Variants in NUP210 observed in about 807,000 individuals in gnomAD.
NUP210 encodes nucleoporin 210.
A neutral mutation model predicts 196.0 loss-of-function variants in NUP210; 151 were observed. The observed-to-expected ratio is 0.77, with a 90% CI of 0.67 to 0.88. The LOEUF (loss-of-function observed/expected upper bound fraction) is 0.88. NUP210 is among the 40% of genes least tolerant of loss of function. The pLI, the probability that NUP210 is intolerant of heterozygous loss-of-function variation, is 0.00. For missense variants in NUP210, 2,314 were observed against 2,493.7 expected (o/e 0.93, Z 1.53); for synonymous variants, 1,070 against 1,052.7 (o/e 1.02, Z -0.32).
chr3:13,398,291 A>G (rs759479928), intron 2 of NUP210, among the ~76,000 whole-genome samples: 38 of 152,188 alleles, frequency 2.5e-4, no homozygotes, highest in Non-Finnish European at 5.1e-4. Context: ...AATACAAGAA[A>G]AATTAGTCAG....
At position 13,339,965 on chromosome 3, in the gene NUP210, C is replaced by T. The variant is rs113775377; in HGVS notation, c.3360G>A (p.Ala1120=). Residue 1120 remains alanine, a synonymous_variant, in exon 25 of 40, where the codon GCG becomes GCA. Transcript: ENST00000254508. The part of the protein sequence containing the change: ...ILFSISNESV[A]LVSAAGLVQG... ...GTACCAGCCCAGCAGCGCTCACCAG[C>T]GCAACGCTCTCATTGCTGATGGAGA... 843 of 1,614,040 alleles carry T rather than the reference C, an allele frequency of 5.2e-4. 3 individuals are homozygous for T. The African/African-American group carries it at 7.8e-3, about 15-fold the overall frequency.
intron 1 of NUP210, among the ~76,000 whole-genome samples, chr3:13,415,800 C>T (rs964738316): frequency 5.9e-5 from 9 of 152,144 alleles, no homozygotes; most frequent in African/African-American, 2.2e-4. Context: ...GTCCCTGAGC[C>T]CAGCAGAAGC....
At position 13,360,331 on chromosome 3, in the gene NUP210, T is replaced by C; in HGVS notation, c.2093A>G (p.His698Arg). 1 of 1,614,088 alleles carries C rather than the reference T, an allele frequency of 6.2e-7. No individual in the cohort carries two copies. Among genetic ancestry groups the C allele is most frequent in the Non-Finnish European group, 8.5e-7 (1 of 1,180,018 alleles). Residue 698 changes from histidine to arginine, a missense_variant, in exon 15 of 40, where the codon CAT becomes CGT. Physicochemically the swap from His to Arg is conservative, Grantham distance 29 (BLOSUM62 0). Transcript: ENST00000254508. ...GTGTTGCTGATAATTCCGGGAGGAA[T>C]GGGGGGCAAAGAGAGCCAGGCCGAT... ...DSIGLALFAP[H>R]SSRNYQQHWI...
intron 27 of NUP210, among the ~76,000 whole-genome samples, chr3:13,336,140 T>C (rs1697206334): frequency 6.6e-6 from 1 of 152,178 alleles, no homozygotes; most frequent in South Asian, 2.1e-4. Context: ...CTTTAGGAAA[T>C]CCTATCCCTG....
rs1697457020 is a variant in NUP210 at position 13,340,910 on chromosome 3, G to A, written c.3229-612C>T. Among the ~76,000 whole-genome samples the A allele has an allele frequency of 6.6e-6, 1 of 152,192 alleles. No homozygotes were observed. The highest frequency in any genetic ancestry group is 2.1e-4 in the South Asian group (1 of 4,830). On this transcript the variant is annotated intron_variant, in intron 23 of 39. Coordinates refer to ENST00000254508, the MANE Select transcript of NUP210 (RefSeq NM_024923.4). The surrounding 1 kb of genome is among the most constrained non-coding windows in gnomAD (Gnocchi z 4.0). The stretch of plus-strand genomic sequence containing the variant: ...TGGCAAGAGTAGGTGAGTGGACGCA[G>A]GAGGTGGCCAGGGTGCTACTTGTGT...
At chr3:13,366,802 C>A (rs1356015908) in intron 13 of NUP210, among the ~76,000 whole-genome samples, 1 of 151,400 alleles carries the variant, frequency 6.6e-6, no homozygotes, top group Non-Finnish European at 1.5e-5. Context: ...CAGGCATGAG[C>A]CACCGCACCC....
intron 13 of NUP210, among the ~76,000 whole-genome samples, chr3:13,368,867 TTGTGAA>T (rs1160769397): frequency 6.6e-6 from 1 of 152,254 alleles, no homozygotes; most frequent in Non-Finnish European, 1.5e-5. Context: ...CTTTTGGCTA[TTGTGAA>T]TAACACTGCC....
intron 12 of NUP210, among the ~76,000 whole-genome samples, chr3:13,373,041 T>C (rs1338599875): frequency 6.6e-6 from 1 of 152,134 alleles, no homozygotes; most frequent in Non-Finnish European, 1.5e-5. Context: ...AGCGGAAGAC[T>C]GGCCAGCCTA....
intron 32 of NUP210, 147 bp downstream of exon 32, chr3:13,327,070 A>G (rs1696787694): frequency 4.7e-6 from 3 of 636,018 alleles, no homozygotes; most frequent in Non-Finnish European, 8.1e-6. Context: ...GTCTCCGGGC[A>G]GCAGTTTTGG....
chr3:13,327,277 A>G lies in NUP210; in HGVS notation c.4447T>C (p.Ser1483Pro), dbSNP rs1317027591. ...PVLQAISPELSGAMVVGDVLC... is the reference protein window; with the variant it reads ...PVLQAISPELPGAMVVGDVLC... ...ACGTCCCCCACCACCATGGCCCCAG[A>G]CAGCTCTGGGGAGATGGCCTGTAGG... The change falls in exon 32 of 40, where the codon TCT (serine) becomes CCT (proline). Residue 1483 changes from serine to proline, a missense_variant. Physicochemically the swap from Ser to Pro is moderately conservative, Grantham distance 74. Transcript: ENST00000254508. The G allele has an allele frequency of 1.9e-6, 3 of 1,613,468 alleles. No individual in the cohort carries two copies. Among genetic ancestry groups the G allele is most frequent in the South Asian group, 1.1e-5 (1 of 91,082 alleles).
At position 13,379,629 on chromosome 3, in the gene NUP210, C is replaced by G; in HGVS notation, c.910G>C (p.Ala304Pro). The change falls in exon 7 of 40, where the codon GCC becomes CCC. Residue 304 changes from alanine to proline, a missense_variant. Ala to Pro is a conservative substitution (Grantham distance 27). Coordinates refer to ENST00000254508, the MANE Select transcript of NUP210 (RefSeq NM_024923.4). This position sits in a 1 kb window ranked among gnomAD's most constrained non-coding sequence, Gnocchi z 4.2. ...GDPARPVAVLAQDTSMVTALQ... is the reference protein window; with the variant it reads ...GDPARPVAVLPQDTSMVTALQ... Reference sequence around the variant, plus strand: ...GCAGTGACCATCGACGTGTCCTGGGCCAAGACAGCCACCGGCCGGGCTGGG... The same window carrying G: ...GCAGTGACCATCGACGTGTCCTGGGGCAAGACAGCCACCGGCCGGGCTGGG... The G allele has an allele frequency of 6.2e-7, 1 of 1,614,068 alleles. No homozygotes were observed. Among genetic ancestry groups the G allele is most frequent in the Non-Finnish European group, 8.5e-7 (1 of 1,180,022 alleles).
chr3:13,374,288 A>G (rs1316281693), intron 11 of NUP210, among the ~76,000 whole-genome samples: 2 of 152,198 alleles, frequency 1.3e-5, no homozygotes, highest in Non-Finnish European at 2.9e-5. Context: ...GTACACTCAC[A>G]TACATTCACC....
Position 13,351,969 on chromosome 3 carries a change from G to T in NUP210, c.2745C>A (p.Arg915=). The stretch of plus-strand genomic sequence containing the variant: ...AGAAGTAACCTGAGCCTTCCCTGAT[G>T]CGGAGCTCTGCCTGCAGGAGGCAGA... The part of the protein sequence containing the change: ...YNHPGIQAEL[R]IREGSGYFFL... The change falls in exon 20 of 40, where the codon CGC becomes CGA. Residue 915 remains arginine, a synonymous_variant. Transcript: ENST00000254508. 2 of 1,611,194 alleles carry T rather than the reference G, an allele frequency of 1.2e-6. No individual in the cohort carries two copies. The highest frequency in any genetic ancestry group is 1.7e-6 in the Non-Finnish European group (2 of 1,177,830).
chr3:13,376,398 A>T lies in NUP210; in HGVS notation c.1186T>A (p.Phe396Ile), dbSNP rs779842622. Residue 396 changes from phenylalanine to isoleucine, a missense_variant, in exon 10 of 40, where the codon TTC becomes ATC. Physicochemically the swap from Phe to Ile is conservative, Grantham distance 21. Transcript: ENST00000254508. ...IRIETVLPAEFFEVLSSSQNG... is the reference protein window; with the variant it reads ...IRIETVLPAEIFEVLSSSQNG... The stretch of plus-strand genomic sequence containing the variant: ...TGGGAGGACGAGAGCACCTCGAAGA[A>T]CTCAGCAGGAAGCACAGTTTCAATT... 2 of 1,614,124 alleles carry T rather than the reference A, an allele frequency of 1.2e-6. No individual in the cohort carries two copies. Among genetic ancestry groups the T allele is most frequent in the South Asian group, 2.2e-5 (2 of 91,090 alleles).
At chr3:13,399,652 G>A in intron 2 of NUP210, 73 bp downstream of exon 2, 1 of 1,603,944 alleles carries the variant, frequency 6.2e-7, no homozygotes, top group Non-Finnish European at 8.5e-7. Context: ...TAGCCTCTAG[G>A]ACCCTGGGTC....
intron 1 of NUP210, among the ~76,000 whole-genome samples, chr3:13,405,571 T>C (rs1699979735): frequency 6.6e-6 from 1 of 152,180 alleles, no homozygotes; most frequent in Non-Finnish European, 1.5e-5. Context: ...GCTATATATA[T>C]ATGACATATA....
At chr3:13,385,356 T>C (rs1699238471) in intron 6 of NUP210, among the ~76,000 whole-genome samples, 1 of 152,182 alleles carries the variant, frequency 6.6e-6, no homozygotes, top group South Asian at 2.1e-4. Flanking sequence ...ACCTGAGAGC[T>C]CTTATGCCCA....
chr3:13,413,576 T>C (rs548682863), intron 1 of NUP210, among the ~76,000 whole-genome samples: 8 of 152,264 alleles, frequency 5.3e-5, no homozygotes, highest in Admixed American at 5.2e-4. Flanking sequence ...TGTCAGTAAG[T>C]CCTGGGGGGA....
At chr3:13,357,289 C>T (rs1576378512) in intron 16 of NUP210, among the ~76,000 whole-genome samples, 1 of 152,216 alleles carries the variant, frequency 6.6e-6, no homozygotes, top group African/African-American at 2.4e-5. Context: ...GCGGTGAGCT[C>T]GCACATGCCC....
Sources: allele counts gnomAD v4.1 joint callset (sites outside exome capture counted in the v4.1 genomes callset), GRCh38; gene constraint gnomAD v4.1.1; non-coding constraint Gnocchi (gnomAD v3.1); transcripts MANE v1.5; gene names NCBI Gene and HGNC (gene_info 2026-07-23, HGNC 2026-07-21).